PYGB: variants seen among roughly 807,000 people sequenced by gnomAD.
The protein encoded by PYGB is glycogen phosphorylase B.
PYGB carries 82 observed loss-of-function variants against 94.3 expected under a neutral mutation model. The observed-to-expected ratio is 0.87, with a 90% confidence interval of 0.73 to 1.04. PYGB has a LOEUF of 1.04. PYGB is among the 50% of genes least tolerant of loss of function. The pLI is 0.00. For missense variants in PYGB, 1,132 were observed against 1,158.2 expected (o/e 0.98, Z 0.33); for synonymous variants, 488 against 479.1 (o/e 1.02, Z -0.24).
Position 25,259,286 on chromosome 20 carries a change from A to G in PYGB, c.293A>G (p.Asn98Ser). Residue 98 changes from asparagine (N) to serine (S), a missense_variant, in exon 2 of 20, where the codon AAC (asparagine) becomes AGC (serine). Transcript: ENST00000216962. ...LEFYMGRTLQNTMVNLGLQNA... is the reference protein window; with the variant it reads ...LEFYMGRTLQSTMVNLGLQNA... ...TTCTACATGGGTCGCACGCTGCAGA[A>G]CACGATGGTGAACCTGGGCCTTCAG... 1 of 1,612,776 alleles carries G rather than the reference A, an allele frequency of 6.2e-7. No homozygotes were observed. The highest frequency in any genetic ancestry group is 8.5e-7 in the Non-Finnish European group (1 of 1,178,728).
At position 25,294,917 on chromosome 20, in the gene PYGB, GTTAGTT is replaced by G. The variant is rs16436; in HGVS notation, c.2312+634_2312+639del. 808,406 of 1,598,252 alleles carry G rather than the reference GTTAGTT, an allele frequency of 0.51. 210,487 individuals are homozygous for G. Among genetic ancestry groups the G allele is most frequent in the East Asian group, 0.92 (41,204 of 44,736 alleles). The stretch of plus-strand genomic sequence containing the variant: ...GCCCTCCACTTTCAGCTGCCTTTGG[GTTAGTT>G]TTAGTTTTGTCTGCTGCTCTTCGAT... On this transcript the variant is annotated intron_variant, in intron 18 of 19. Coordinates refer to ENST00000216962, the MANE Select transcript of PYGB (RefSeq NM_002862.4).
At position 25,290,469 on chromosome 20, in the gene PYGB, C is replaced by T; in HGVS notation, c.1828-12C>T. ...CATTTTTGTGCTAAAAACCTTCACCCTCTCCTTCCAGGCAGCGCCCGGTTA... is the reference window on the plus strand; with the variant it reads ...CATTTTTGTGCTAAAAACCTTCACCTTCTCCTTCCAGGCAGCGCCCGGTTA... On this transcript the variant is annotated splice_polypyrimidine_tract_variant and intron_variant, in intron 15 of 19. Coordinates refer to ENST00000216962, the MANE Select transcript of PYGB (RefSeq NM_002862.4). The T allele has an allele frequency of 1.9e-6, 3 of 1,601,150 alleles. No individual in the cohort carries two copies. The highest frequency in any genetic ancestry group is 2.6e-6 in the Non-Finnish European group (3 of 1,168,836).
chr20:25,287,481 C>A (rs1279226678), intron 14 of PYGB, among the ~76,000 whole-genome samples: 1 of 152,006 alleles, frequency 6.6e-6, no homozygotes, highest in South Asian at 2.1e-4. Flanking sequence ...CCCATCTGTA[C>A]TAAAAGTGAA....
intron 4 of PYGB, among the ~76,000 whole-genome samples, chr20:25,272,537 G>A (rs1439523351): frequency 2.0e-5 from 3 of 152,256 alleles, no homozygotes; most frequent in Non-Finnish European, 2.9e-5. Context: ...ATTGGTGGAC[G>A]GAGAAACAAC....
Position 25,295,639 on chromosome 20 carries a change from A to G in PYGB, c.2348A>G (p.Gln783Arg), listed in dbSNP as rs1291857752. ...TTTGCAGACTATGAAGCCTACATGC[A>G]GTGCCAGGCACAGGTGGACCAGCTG... ...KVFADYEAYM[Q>R]CQAQVDQLYR... The change falls in exon 19 of 20, where the codon CAG (glutamine) becomes CGG (arginine). Residue 783 changes from glutamine (Q) to arginine (R), a missense_variant. Physicochemically the swap from Gln to Arg is conservative, Grantham distance 43. Transcript: ENST00000216962. 5.6e-6 allele frequency: 9 copies of G among 1,614,090 alleles called. No homozygotes were observed. The highest frequency in any genetic ancestry group is 6.8e-6 in the Non-Finnish European group (8 of 1,179,998).
In PYGB at chr20:25,283,194, C is replaced by A. The variant is rs199750042; in HGVS notation, c.1537C>A (p.Leu513Met). ...TIVEKIGEEF[L>M]TDLSQLKKLL... ...TCTCCAGAAAATTGGGGAGGAGTTC[C>A]TGACTGACCTGAGCCAGCTGAAGAA... Residue 513 changes from leucine to methionine, a missense_variant, in exon 13 of 20, where the codon CTG becomes ATG. Leu to Met is a conservative substitution (Grantham distance 15). Coordinates refer to ENST00000216962, the MANE Select transcript of PYGB (RefSeq NM_002862.4). The A allele has an allele frequency of 6.2e-7, 1 of 1,613,740 alleles. No homozygotes were observed. Among genetic ancestry groups the A allele is most frequent in the South Asian group, 1.1e-5 (1 of 91,078 alleles).
chr20:25,279,165 A>G lies in PYGB; in HGVS notation c.1092+16A>G, dbSNP rs755583458. The G allele has an allele frequency of 1.2e-5, 19 of 1,611,810 alleles. No homozygotes were observed. The highest frequency in any genetic ancestry group is 1.4e-5 in the Non-Finnish European group (16 of 1,178,608). The stretch of plus-strand genomic sequence containing the variant: ...CTGGGACAAGGTGAGCATGGAGGAA[A>G]AGGGCGGCACCTCCCCAGAGCCTGG... On this transcript the variant is annotated intron_variant, in intron 9 of 19. Coordinates refer to ENST00000216962, the MANE Select transcript of PYGB (RefSeq NM_002862.4).
chr20:25,250,506 G>A (rs1284629030), intron 1 of PYGB, among the ~76,000 whole-genome samples: 1 of 152,232 alleles, frequency 6.6e-6, no homozygotes, highest in Non-Finnish European at 1.5e-5. Context: ...TAAGCTGTGT[G>A]CCTATTCTGA....
At position 25,279,167 on chromosome 20, in the gene PYGB, G is replaced by T. The variant is rs779114081; in HGVS notation, c.1092+18G>T. ...GGGACAAGGTGAGCATGGAGGAAAA[G>T]GGCGGCACCTCCCCAGAGCCTGGAG... On this transcript the variant is annotated intron_variant, in intron 9 of 19. Transcript: ENST00000216962. 1 of 1,611,516 alleles carries T rather than the reference G, an allele frequency of 6.2e-7. No homozygotes were observed. Among genetic ancestry groups the T allele is most frequent in the Non-Finnish European group, 8.5e-7 (1 of 1,178,278 alleles).
At chr20:25,277,054 C>T (rs980540056) in intron 6 of PYGB, among the ~76,000 whole-genome samples, 190 bp from the exon 7 acceptor site, 3 of 151,694 alleles carry the variant, frequency 2.0e-5, no homozygotes, top group African/African-American at 7.3e-5. Flanking sequence ...GAGTTGTGTG[C>T]GGTACATAGG....
rs569197731 is a variant in PYGB, at chr20:25,276,687, C to T, written c.702C>T (p.Tyr234=). 1.2e-6 allele frequency: 2 copies of T among 1,613,988 alleles called. No individual in the cohort carries two copies. Among genetic ancestry groups the T allele is most frequent in the Admixed American group, 1.7e-5 (1 of 60,022 alleles). ...CCTACGACACCCCAGTGCCCGGCTA[C>T]AAGAACAACACCGTCAACACCATGC... ...AMPYDTPVPG[Y]KNNTVNTMRL... is the part of the protein sequence containing the mutation. The change falls in exon 6 of 20, where the codon TAC becomes TAT. Residue 234 remains tyrosine (Y), a synonymous_variant. Transcript: ENST00000216962.
At chr20:25,284,020 A>T (rs1277046545) in intron 13 of PYGB, 84 bp from the exon 14 acceptor site, 2 of 1,528,222 alleles carry the variant, frequency 1.3e-6, no homozygotes, top group African/African-American at 2.7e-5. Context: ...CACTCTTCAC[A>T]GGGCACTTGA....
intron 19 of PYGB, among the ~76,000 whole-genome samples, chr20:25,295,998 A>T (rs769186218): frequency 2.4e-4 from 37 of 152,190 alleles, no homozygotes; most frequent in Non-Finnish European, 4.4e-4. Flanking sequence ...TGTGACCTGC[A>T]GCTTGTGGCA....
At chr20:25,248,587 C>T (rs986111509) in intron 1 of PYGB, among the ~76,000 whole-genome samples, 166 bp downstream of exon 1, 3 of 151,972 alleles carry the variant, frequency 2.0e-5, no homozygotes, top group African/African-American at 4.8e-5. Context: ...AAGCCGCAGT[C>T]GGCGGGGCCC....
intron 1 of PYGB, among the ~76,000 whole-genome samples, chr20:25,250,360 A>G (rs2092884240): frequency 6.6e-6 from 1 of 152,204 alleles, no homozygotes; most frequent in African/African-American, 2.4e-5. Flanking sequence ...TCCCTGCAAC[A>G]AAACAGGTTT....
intron 1 of PYGB, among the ~76,000 whole-genome samples, chr20:25,251,664 A>G (rs6107017): frequency 0.42 from 63,900 of 151,998 alleles, 15,009 homozygotes; most frequent in East Asian, 0.92. Context: ...GATCCCTTCT[A>G]TAACATCCTG....
In PYGB at chr20:25,295,686, C is replaced by T; in HGVS notation, c.2379+16C>T. On this transcript the variant is annotated intron_variant, in intron 19 of 19. Coordinates refer to ENST00000216962, the MANE Select transcript of PYGB (RefSeq NM_002862.4). Reference sequence around the variant, plus strand: ...GCTGTACCGGGTGAGGCTCCTGGGTCCAGAGGCTAGGGGAGCAGCTGGGTG... The same window carrying T: ...GCTGTACCGGGTGAGGCTCCTGGGTTCAGAGGCTAGGGGAGCAGCTGGGTG... The T allele has an allele frequency of 6.2e-7, 1 of 1,608,494 alleles. No individual in the cohort carries two copies. Among genetic ancestry groups the T allele is most frequent in the Non-Finnish European group, 8.5e-7 (1 of 1,175,034 alleles).
intron 18 of PYGB, chr20:25,294,930 T>A (rs1372380262): frequency 6.7e-7 from 1 of 1,503,032 alleles, no homozygotes; most frequent in Non-Finnish European, 9.2e-7. Context: ...AGTTTTAGTT[T>A]TGTCTGCTGC....
intron 4 of PYGB, 52 bp downstream of exon 4, chr20:25,271,538 A>G: frequency 3.9e-6 from 6 of 1,556,402 alleles, no homozygotes; most frequent in Non-Finnish European, 5.3e-6. Context: ...TCACACAATA[A>G]AATGGCAGCA....
Sources: allele counts gnomAD v4.1 joint callset (sites outside exome capture counted in the v4.1 genomes callset), GRCh38; gene constraint gnomAD v4.1.1; transcripts MANE v1.5; gene names NCBI Gene and HGNC (gene_info 2026-07-23, HGNC 2026-07-21).